Variants in DISP1 observed in about 807,000 individuals in gnomAD.
The protein encoded by DISP1 is dispatched RND transporter family member 1.
A neutral mutation model predicts 37.3 loss-of-function variants in DISP1; 30 were observed. The ratio of observed to expected loss-of-function variants is 0.80; its 90% CI spans 0.60 to 1.09. The LOEUF is 1.09. Ranked by LOEUF, DISP1 falls within the 50% of genes least tolerant of loss-of-function variation. The pLI is 0.00. For synonymous variants in DISP1, 634 were observed against 690.2 expected (o/e 0.92, Z 1.28); for missense variants, 1,598 against 1,879.5 (o/e 0.85, Z 2.77).
intron 1 of DISP1, among the ~76,000 whole-genome samples, chr1:222,815,767 C>A (rs1661061259): frequency 6.6e-6 from 1 of 152,128 alleles, no homozygotes; most frequent in African/African-American, 2.4e-5. Flanking sequence ...AGGAAGACAA[C>A]CAAAGTTTTC....
chr1:222,985,974 T>C (rs1303404092), intron 4 of DISP1, among the ~76,000 whole-genome samples: 1 of 152,194 alleles, frequency 6.6e-6, no homozygotes, highest in Admixed American at 6.5e-5. Flanking sequence ...GTCTTATCTT[T>C]AAGGGACAAG....
intron 1 of DISP1, among the ~76,000 whole-genome samples, chr1:222,870,555 T>C (rs1415211256): frequency 2.1e-4 from 32 of 152,240 alleles, no homozygotes; most frequent in Admixed American, 6.5e-5. Flanking sequence ...GATGAGCATT[T>C]TTTCATGTGT....
intron 3 of DISP1, among the ~76,000 whole-genome samples, chr1:222,979,000 G>C (rs977049065): frequency 6.6e-6 from 1 of 151,854 alleles, no homozygotes; most frequent in Non-Finnish European, 1.5e-5. Flanking sequence ...ACTTGGCGAT[G>C]CAGGCTCTTT....
Position 223,005,469 on chromosome 1 carries a change from C to G in DISP1, c.4072C>G (p.His1358Asp). 3 of 1,613,700 alleles carry G rather than the reference C, an allele frequency of 1.9e-6. No homozygotes were observed. The highest frequency in any genetic ancestry group is 8.5e-7 in the Non-Finnish European group (1 of 1,179,992). Reference protein sequence around the residue: ...QNSLPRNFFLHPVQHIQAQEK... With the variant: ...QNSLPRNFFLDPVQHIQAQEK... ...TTCTCTGCCTAGGAATTTTTTCCTC[C>G]ACCCAGTGCAGCACATTCAGGCCCA... The change falls in exon 9 of 9, where the codon CAC (histidine) becomes GAC (aspartate). Residue 1358 changes from histidine to aspartate, a missense_variant. Transcript: ENST00000675850.
At chr1:222,927,209 C>T (rs1388961959) in intron 1 of DISP1, among the ~76,000 whole-genome samples, 1 of 149,180 alleles carries the variant, frequency 6.7e-6, no homozygotes, top group Admixed American at 6.7e-5. Flanking sequence ...TTGTTATTTT[C>T]TGTTTGTTTG....
intron 1 of DISP1, among the ~76,000 whole-genome samples, chr1:222,842,252 C>T (rs1667651532): frequency 6.6e-6 from 1 of 150,530 alleles, no homozygotes; most frequent in Non-Finnish European, 1.5e-5. Context: ...CCTCAGGTAG[C>T]CTAATTAAAA....
intron 1 of DISP1, among the ~76,000 whole-genome samples, chr1:222,906,538 G>T (rs956585582): frequency 1.3e-5 from 2 of 152,230 alleles, no homozygotes; most frequent in African/African-American, 4.8e-5. Context: ...TAAAACAGTT[G>T]CAGTAAAGAA....
intron 1 of DISP1, among the ~76,000 whole-genome samples, chr1:222,858,905 A>G (rs1668712554): frequency 6.6e-6 from 1 of 152,208 alleles, no homozygotes; most frequent in African/African-American, 2.4e-5. Context: ...TAATTCAACC[A>G]TTGTGGAAAA....
At chr1:222,860,210 A>AG (rs1217080294) in intron 1 of DISP1, among the ~76,000 whole-genome samples, 6 of 152,114 alleles carry the variant, frequency 3.9e-5, no homozygotes, top group Admixed American at 6.6e-5. Context: ...ATGTGCCACC[A>AG]GGCCCGGCTA....
At chr1:222,964,566 A>T (rs1283802118) in intron 3 of DISP1, among the ~76,000 whole-genome samples, 1 of 152,202 alleles carries the variant, frequency 6.6e-6, no homozygotes, top group African/African-American at 2.4e-5. Flanking sequence ...CTGAAATCAC[A>T]TGGATCACAC....
At chr1:222,926,675 C>T (rs985633032) in intron 1 of DISP1, among the ~76,000 whole-genome samples, 8 of 152,240 alleles carry the variant, frequency 5.3e-5, no homozygotes, top group South Asian at 4.2e-4. Context: ...CTGAACAAAG[C>T]GGCTTACCTA....
chr1:222,847,591 T>C (rs1292454250), intron 1 of DISP1, among the ~76,000 whole-genome samples: 1 of 152,178 alleles, frequency 6.6e-6, no homozygotes, highest in African/African-American at 2.4e-5. Context: ...TCCAATCCAA[T>C]CCAATAGATT....
At chr1:222,817,582 A>G (rs1661564510) in intron 1 of DISP1, among the ~76,000 whole-genome samples, 1 of 152,224 alleles carries the variant, frequency 6.6e-6, no homozygotes, top group Admixed American at 6.5e-5. Context: ...GGAGCTACGA[A>G]AGACTGCTGA....
At chr1:222,921,842 C>A (rs1160032830) in intron 1 of DISP1, among the ~76,000 whole-genome samples, 2 of 151,986 alleles carry the variant, frequency 1.3e-5, no homozygotes, top group African/African-American at 4.8e-5. Context: ...ATAATAGAAC[C>A]TGTGCCTTTA....
In DISP1 at chr1:223,003,778, C is replaced by T. The variant is rs143904366; in HGVS notation, c.2381C>T (p.Ser794Phe). 1 of 1,613,994 alleles carries T rather than the reference C, an allele frequency of 6.2e-7. No homozygotes were observed. Among genetic ancestry groups the T allele is most frequent in the African/African-American group, 1.3e-5 (1 of 74,896 alleles). ...HMPITVIWGV[S>F]PEDNGNPLNP... is the part of the protein sequence containing the mutation. ...CCCATCACAGTAATCTGGGGCGTGT[C>T]CCCAGAAGACAATGGCAACCCACTA... Residue 794 changes from serine to phenylalanine, a missense_variant, in exon 9 of 9, where the codon TCC becomes TTC. Ser to Phe is a radical substitution (Grantham distance 155). Coordinates refer to ENST00000675850, the MANE Select transcript of DISP1 (RefSeq NM_001377229.1). This position sits in a 1 kb window ranked among gnomAD's most constrained non-coding sequence, Gnocchi z 4.3.
At chr1:222,892,451 A>C (rs1670993732) in intron 1 of DISP1, among the ~76,000 whole-genome samples, 1 of 152,224 alleles carries the variant, frequency 6.6e-6, no homozygotes, top group Admixed American at 6.5e-5. Flanking sequence ...ATATGATTCC[A>C]GTGAGTGGTG....
intron 1 of DISP1, among the ~76,000 whole-genome samples, chr1:222,894,382 C>A: frequency 6.6e-6 from 1 of 152,154 alleles, no homozygotes; most frequent in East Asian, 1.9e-4. Context: ...AGTGCCCCCT[C>A]GGGCTCCCTC....
chr1:222,959,700 CAAAA>C (rs139605919), intron 3 of DISP1, among the ~76,000 whole-genome samples: 3 of 111,826 alleles, frequency 2.7e-5, no homozygotes, highest in Non-Finnish European at 5.4e-5. Context: ...AACTCTGTCT[CAAAA>C]AAAAAAAAAA....
chr1:222,977,174 C>T (rs1360518870), intron 3 of DISP1, among the ~76,000 whole-genome samples: 1 of 150,972 alleles, frequency 6.6e-6, no homozygotes, highest in Non-Finnish European at 1.5e-5. Context: ...GGATTACATG[C>T]ATGCACCACC....
Sources: gnomAD v4.1 joint callset for allele counts (sites outside exome capture counted in the v4.1 genomes callset) on GRCh38, gnomAD v4.1.1 for gene constraint, Gnocchi (gnomAD v3.1) non-coding constraint, MANE v1.5 for transcripts, NCBI Gene and HGNC (gene_info 2026-07-23, HGNC 2026-07-21) for gene names.